The following TTC28 variants were observed in gnomAD, a reference collection of about 807,000 sequenced individuals.
TTC28 encodes the protein tetratricopeptide repeat protein 28.
TTC28 carries 61 observed loss-of-function variants against 198.0 expected under a neutral mutation model. The ratio of observed to expected loss-of-function variants is 0.31; its 90% CI spans 0.25 to 0.38. The LOEUF (loss-of-function observed/expected upper bound fraction) is 0.38. TTC28 is among the 10% of genes least tolerant of loss of function. The pLI, the probability that TTC28 is intolerant of heterozygous loss-of-function variation, is 1.00. For missense variants in TTC28, 2,678 were observed against 3,164.0 expected (o/e 0.85, Z 3.69); for synonymous variants, 1,171 against 1,297.8 (o/e 0.90, Z 2.10).
intron 12 of TTC28, chr22:28,056,530 T>G (rs1279969974): frequency 6.6e-6 from 1 of 152,232 alleles, no homozygotes; most frequent in African/African-American, 2.4e-5. Flanking sequence ...ATTTTGTGTT[T>G]GGATGTAATT....
chr22:28,014,418 A>C (rs1938282773), intron 13 of TTC28, 26 bp from the exon 14 acceptor site: 3 of 1,536,464 alleles, frequency 2.0e-6, no homozygotes, highest in Non-Finnish European at 1.8e-6. Context: ...CCGAGGGATC[A>C]ATCAGGGCCA....
intron 2 of TTC28, among the ~76,000 whole-genome samples, chr22:28,385,139 CAA>C (rs695792): frequency 4.6e-4 from 46 of 99,408 alleles, no homozygotes; most frequent in Admixed American, 4.2e-4. Flanking sequence ...GAAACTCCGT[CAA>C]AAAAAAAAAA....
chr22:28,630,093 T>TTG (rs1366740251), intron 1 of TTC28, among the ~76,000 whole-genome samples: 1 of 152,052 alleles, frequency 6.6e-6, no homozygotes, highest in Non-Finnish European at 1.5e-5. Context: ...CTAGCCCCTC[T>TTG]CTCTCTCTTG....
At chr22:28,069,407 G>A (rs533238601) in intron 12 of TTC28, among the ~76,000 whole-genome samples, 1 of 152,266 alleles carries the variant, frequency 6.6e-6, no homozygotes, top group East Asian at 1.9e-4. Flanking sequence ...CACATGGAAA[G>A]TGCCCAAAGA....
At chr22:28,502,228 C>T (rs1250253227) in intron 2 of TTC28, among the ~76,000 whole-genome samples, 1 of 152,176 alleles carries the variant, frequency 6.6e-6, no homozygotes, top group Non-Finnish European at 1.5e-5. Flanking sequence ...CCCATTATCC[C>T]TGCACCTGAG....
intron 6 of TTC28, among the ~76,000 whole-genome samples, chr22:28,146,533 T>G (rs1943473835): frequency 4.6e-5 from 7 of 152,228 alleles, no homozygotes; most frequent in Admixed American, 4.6e-4. Flanking sequence ...GTTGACAGTC[T>G]GAAATTTCTG....
intron 2 of TTC28, among the ~76,000 whole-genome samples, chr22:28,426,000 C>A (rs1186261855): frequency 2.0e-5 from 3 of 152,110 alleles, no homozygotes; most frequent in African/African-American, 7.2e-5. Flanking sequence ...CACTTGAGGT[C>A]AGGAGTTCAA....
intron 2 of TTC28, among the ~76,000 whole-genome samples, chr22:28,566,682 CAAAG>C (rs1418897786): frequency 2.6e-5 from 4 of 151,274 alleles, no homozygotes; most frequent in African/African-American, 9.7e-5. Context: ...ATCAATAAAA[CAAAG>C]AGAGTAATTT....
At chr22:28,162,112 C>T (rs925452370) in intron 6 of TTC28, among the ~76,000 whole-genome samples, 5 of 152,044 alleles carry the variant, frequency 3.3e-5, no homozygotes, top group African/African-American at 1.2e-4. Context: ...CATTATGTAC[C>T]CACATCTGTT....
chr22:28,499,083 T>C (rs907879384), intron 2 of TTC28, among the ~76,000 whole-genome samples: 1 of 151,860 alleles, frequency 6.6e-6, no homozygotes, highest in African/African-American at 2.4e-5. Context: ...GAGGCTGAGG[T>C]TGGGGGATTG....
rs538574481 is a variant in TTC28, at chr22:28,017,129, G to A, written c.4074-2737C>T. ...GGGAGTGTGGGGCCTGGAGAGGATG[G>A]CTGCAGCACGTGGAAAGCCAGACAA... is the stretch of plus-strand genomic sequence containing the variant. On this transcript the variant is annotated intron_variant, in intron 13 of 22. Coordinates refer to ENST00000397906, the MANE Select transcript of TTC28 (RefSeq NM_001145418.2). 3.3e-5 allele frequency among the ~76,000 whole-genome samples: 5 copies of A among 152,362 alleles called. No individual in the cohort carries two copies. In the East Asian group the frequency reaches 5.8e-4, roughly 18 times the overall value.
intron 12 of TTC28, among the ~76,000 whole-genome samples, chr22:28,061,558 T>A (rs1045339000): frequency 6.6e-6 from 1 of 152,228 alleles, no homozygotes; most frequent in Non-Finnish European, 1.5e-5. Flanking sequence ...GAGGGCTCTG[T>A]TTCGTTCCAT....
intron 5 of TTC28, among the ~76,000 whole-genome samples, chr22:28,205,693 G>C (rs2147164423): frequency 6.6e-6 from 1 of 152,072 alleles, no homozygotes; most frequent in South Asian, 2.1e-4. Context: ...TCTGAAAGCA[G>C]GGCCAACTCT....
At position 28,163,306 on chromosome 22, in the gene TTC28, G is replaced by C; in HGVS notation, c.1227C>G (p.Asn409Lys). 1.3e-6 allele frequency: 2 copies of C among 1,552,052 alleles called. No homozygotes were observed. The highest frequency in any genetic ancestry group is 1.7e-6 in the Non-Finnish European group (2 of 1,147,074). Reference sequence around the variant, plus strand: ...TATGGTAAGACATGGCCTTGTCAAAGTTCCTCCGGTAGTGATAGGCACTGC... The same window carrying C: ...TATGGTAAGACATGGCCTTGTCAAACTTCCTCCGGTAGTGATAGGCACTGC... Reference protein sequence around the residue: ...NLGSAYHYRRNFDKAMSYHNY... With the variant: ...NLGSAYHYRRKFDKAMSYHNY... The change falls in exon 6 of 23, where the codon AAC becomes AAG. Residue 409 changes from asparagine to lysine, a missense_variant. This residue lies in a region of TTC28 where 775 missense variants were observed against 845.9 expected (regional missense o/e 0.92). Coordinates refer to ENST00000397906, the MANE Select transcript of TTC28 (RefSeq NM_001145418.2).
At position 28,185,671 on chromosome 22, in the gene TTC28, A is replaced by G. The variant is rs145121349; in HGVS notation, c.934-22072T>C. On this transcript the variant is annotated intron_variant, in intron 5 of 22. Coordinates refer to ENST00000397906, the MANE Select transcript of TTC28 (RefSeq NM_001145418.2). ...ACTACAGTATGTTTACTTACAGATT[A>G]TAAGACTATCCTGATTTCAGAGATA... Among the ~76,000 whole-genome samples, 4 of 152,322 alleles carry G rather than the reference A, an allele frequency of 2.6e-5. 1 individual carries two copies. Among genetic ancestry groups the G allele is most frequent in the African/African-American group, 7.2e-5 (3 of 41,574 alleles).
chr22:28,292,028 T>C (rs1053893612), intron 5 of TTC28, among the ~76,000 whole-genome samples: 1 of 152,046 alleles, frequency 6.6e-6, no homozygotes, highest in African/African-American at 2.4e-5. Flanking sequence ...TATAATTAGT[T>C]ATTTTCATGT....
chr22:28,448,620 A>C (rs1391367574), intron 2 of TTC28, among the ~76,000 whole-genome samples: 1 of 152,178 alleles, frequency 6.6e-6, no homozygotes, highest in African/African-American at 2.4e-5. Context: ...ACACCACAAA[A>C]ATGTTGCCTC....
chr22:28,584,016 GTTTTTTTTTT>G (rs67108156), intron 2 of TTC28, among the ~76,000 whole-genome samples: 11 of 132,996 alleles, frequency 8.3e-5, no homozygotes, highest in Non-Finnish European at 1.5e-4. Context: ...GTTTTGTTTT[GTTTTTTTTTT>G]TTTTTTTGGC....
At position 28,424,623 on chromosome 22, in the gene TTC28, T is replaced by G. The variant is rs145439018; in HGVS notation, c.382-117980A>C. Among the ~76,000 whole-genome samples the G allele has an allele frequency of 3.0e-3, 456 of 152,330 alleles. 2 individuals are homozygous for G. Among genetic ancestry groups the G allele is most frequent in the African/African-American group, 0.01 (423 of 41,578 alleles). ...AAGCATCTCATACCTAATTCTGTGC[T>G]AGCGTCATAGCTGTTTCCAGTAAAG... On this transcript the variant is annotated intron_variant, in intron 2 of 22. Transcript: ENST00000397906.
Sources: allele counts gnomAD v4.1 joint callset (sites outside exome capture counted in the v4.1 genomes callset), GRCh38; gene constraint gnomAD v4.1.1; regional missense constraint gnomAD v4.1.1; transcripts MANE v1.5; gene names NCBI Gene and HGNC (gene_info 2026-07-23, HGNC 2026-07-21).